Variants in DCC observed in about 807,000 individuals in gnomAD.
DCC encodes the protein DCC netrin 1 receptor, also known as netrin receptor DCC.
A neutral mutation model predicts 172.5 loss-of-function variants in DCC; 58 were observed. That is an observed-to-expected ratio of 0.34 (90% CI 0.27 to 0.42). The LOEUF (loss-of-function observed/expected upper bound fraction) is 0.42, where lower values mean the gene tolerates loss of function less well. Ranked by LOEUF, DCC falls within the 10% of genes least tolerant of loss-of-function variation. DCC has a pLI of 1.00. For synonymous variants in DCC, 709 were observed against 644.5 expected (o/e 1.10, Z -1.52); for missense variants, 1,740 against 1,791.0 (o/e 0.97, Z 0.51).
rs2046562950 is a variant in DCC, at chr18:53,535,215, G to C, written c.*4562G>C. Reference sequence around the variant, plus strand: ...AATATTTAATTTATTATTTAGAGTGGCTTCTTTTTGGATAATTTATGATAA... The same window carrying C: ...AATATTTAATTTATTATTTAGAGTGCCTTCTTTTTGGATAATTTATGATAA... On this transcript the variant is annotated 3_prime_UTR_variant, in exon 29 of 29. Coordinates refer to ENST00000442544, the MANE Select transcript of DCC (RefSeq NM_005215.4). The C allele has an allele frequency of 6.6e-6, 1 of 152,104 alleles. No individual in the cohort carries two copies. The highest frequency in any genetic ancestry group is 2.4e-5 in the African/African-American group (1 of 41,414). 9.4% of individuals were successfully genotyped at this position (152,104 alleles called of 1,614,324 possible).
chr18:52,656,692 A>C (rs2144937808), intron 1 of DCC, among the ~76,000 whole-genome samples: 1 of 152,272 alleles, frequency 6.6e-6, no homozygotes, highest in East Asian at 1.9e-4. Flanking sequence ...CTTTTGGGTA[A>C]GATCATAGTG....
intron 1 of DCC, among the ~76,000 whole-genome samples, chr18:52,343,822 C>T (rs932021305): frequency 1.6e-4 from 24 of 152,224 alleles, no homozygotes; most frequent in Non-Finnish European, 2.8e-4. Flanking sequence ...CTCATTCCCC[C>T]AACCAAAGCA....
intron 22 of DCC, among the ~76,000 whole-genome samples, chr18:53,446,933 G>A (rs1912647987): frequency 6.6e-6 from 1 of 152,166 alleles, no homozygotes; most frequent in African/African-American, 2.4e-5. Context: ...CAATAAGGGT[G>A]TGGTGTGACT....
At chr18:53,053,350 T>A (rs1019861946) in intron 5 of DCC, among the ~76,000 whole-genome samples, 1 of 152,082 alleles carries the variant, frequency 6.6e-6, no homozygotes, top group African/African-American at 2.4e-5. Flanking sequence ...GAAACACTTG[T>A]TTTGATTTTG....
chr18:52,469,700 A>G (rs1319428462), intron 1 of DCC, among the ~76,000 whole-genome samples: 1 of 152,194 alleles, frequency 6.6e-6, no homozygotes, highest in Admixed American at 6.5e-5. Context: ...CACAATCTCA[A>G]TAAGGCTTTT....
At chr18:52,368,920 T>C (rs2144292058) in intron 1 of DCC, among the ~76,000 whole-genome samples, 1 of 152,310 alleles carries the variant, frequency 6.6e-6, no homozygotes, top group South Asian at 2.1e-4. Context: ...GAAAAGTATG[T>C]ATCATGATGC....
At chr18:52,672,411 T>G (rs2035570177) in intron 1 of DCC, among the ~76,000 whole-genome samples, 1 of 152,136 alleles carries the variant, frequency 6.6e-6, no homozygotes, top group African/African-American at 2.4e-5. Context: ...ATTTTCTAAG[T>G]GTATCCAATT....
chr18:52,418,889 C>G (rs1434354985), intron 1 of DCC, among the ~76,000 whole-genome samples: 1 of 114,848 alleles, frequency 8.7e-6, no homozygotes, highest in Non-Finnish European at 1.7e-5. Flanking sequence ...GAGATGGAGT[C>G]TCACCCTGTT....
intron 1 of DCC, among the ~76,000 whole-genome samples, chr18:52,485,259 G>C (rs1458725751): frequency 1.3e-5 from 2 of 152,064 alleles, no homozygotes; most frequent in Non-Finnish European, 2.9e-5. Context: ...GCTTCAAAAA[G>C]ATTATTATGG....
At chr18:52,928,534 T>A (rs115097501) in intron 5 of DCC, among the ~76,000 whole-genome samples, 2,197 of 152,312 alleles carry the variant, frequency 0.014, 67 homozygotes, top group African/African-American at 0.05. Context: ...GTAAAACATG[T>A]ACATATGCAC....
chr18:52,771,238 T>C (rs1023808164), intron 2 of DCC, among the ~76,000 whole-genome samples: 5 of 152,178 alleles, frequency 3.3e-5, no homozygotes, highest in African/African-American at 1.2e-4. Context: ...GTGGAGACCA[T>C]ATATTTCTTT....
In DCC at chr18:53,499,286, T is replaced by C. The variant is rs199510761; in HGVS notation, c.3899-12T>C. ...CAGGAATAATGAATGACTTTTCTTG[T>C]CTCCACTGCAGCAGTGAGTGAAGGA... On this transcript the variant is annotated splice_polypyrimidine_tract_variant and intron_variant, in intron 26 of 28. Transcript: ENST00000442544. The C allele has an allele frequency of 1.5e-5, 25 of 1,613,668 alleles. No individual in the cohort carries two copies. Among genetic ancestry groups the C allele is most frequent in the Non-Finnish European group, 2.1e-5 (25 of 1,179,716 alleles).
intron 1 of DCC, among the ~76,000 whole-genome samples, chr18:52,413,047 T>C (rs1986894380): frequency 6.6e-6 from 1 of 152,060 alleles, no homozygotes; most frequent in Admixed American, 6.6e-5. Context: ...ATTTGACATT[T>C]ATTATCTCCA....
At chr18:53,063,561 A>G (rs957077748) in intron 6 of DCC, 102 bp downstream of exon 6, 17 of 926,282 alleles carry the variant, frequency 1.8e-5, no homozygotes, top group Middle Eastern at 2.7e-4. Flanking sequence ...CCTGTTGGAG[A>G]TTTTTTGTGA....
intron 7 of DCC, among the ~76,000 whole-genome samples, chr18:53,072,805 G>A (rs935088724): frequency 7.9e-5 from 12 of 152,148 alleles, no homozygotes; most frequent in African/African-American, 2.7e-4. Flanking sequence ...GCTGTGTGGT[G>A]GAGTAGACAG....
intron 2 of DCC, among the ~76,000 whole-genome samples, chr18:52,830,696 TATTTA>T (rs1568131023): frequency 6.6e-6 from 1 of 152,214 alleles, no homozygotes; most frequent in Non-Finnish European, 1.5e-5. Context: ...AGACTGAAGT[TATTTA>T]ATTGTAACTG....
In DCC at chr18:53,132,827, A is replaced by G. The variant is rs563503441; in HGVS notation, c.1262-24529A>G. Among the ~76,000 whole-genome samples, 6 of 152,310 alleles carry G rather than the reference A, an allele frequency of 3.9e-5. No individual in the cohort carries two copies. The South Asian group carries it at 1.0e-3, about 26-fold the overall frequency. On this transcript the variant is annotated intron_variant, in intron 7 of 28. Coordinates refer to ENST00000442544, the MANE Select transcript of DCC (RefSeq NM_005215.4). ...ACTGATTTATGGAGAAGGACCCATC[A>G]TTCTGTAACTCTGAAAGCTATGCCA...
chr18:52,869,369 G>GTCTGC (rs1170618746), intron 2 of DCC, among the ~76,000 whole-genome samples: 8 of 152,322 alleles, frequency 5.3e-5, no homozygotes, highest in African/African-American at 1.7e-4. Context: ...TCGTCCTGTT[G>GTCTGC]TCTGCTCTGC....
At chr18:52,822,312 G>C (rs1356163125) in intron 2 of DCC, among the ~76,000 whole-genome samples, 1 of 152,178 alleles carries the variant, frequency 6.6e-6, no homozygotes, top group Non-Finnish European at 1.5e-5. Context: ...AACAAGGAGT[G>C]AAATGTGCTA....
Sources: allele counts gnomAD v4.1 joint callset (sites outside exome capture counted in the v4.1 genomes callset), GRCh38; gene constraint gnomAD v4.1.1; transcripts MANE v1.5; gene names NCBI Gene and HGNC (gene_info 2026-07-23, HGNC 2026-07-21).